The following UBXN7 variants were observed in gnomAD, a reference collection of about 807,000 sequenced individuals.
UBXN7 encodes UBX domain protein 7.
In UBXN7, 9 loss-of-function variants were observed where a neutral mutation model predicts 58.0. The observed-to-expected ratio is 0.16, with a 90% CI of 0.09 to 0.27. The LOEUF (loss-of-function observed/expected upper bound fraction) is 0.27, where lower values mean the gene tolerates loss of function less well. UBXN7 is among the 10% of genes least tolerant of loss of function. UBXN7 has a pLI of 1.00. For synonymous variants in UBXN7, 208 were observed against 205.0 expected (o/e 1.01, Z -0.12); for missense variants, 328 against 599.6 (o/e 0.55, Z 4.73).
At chr3:196,377,789 CCTGAGTAG>C (rs1403047298) in intron 5 of UBXN7, among the ~76,000 whole-genome samples, 3 of 152,142 alleles carry the variant, frequency 2.0e-5, no homozygotes, top group African/African-American at 4.8e-5. Flanking sequence ...ACCCCAGCCT[CCTGAGTAG>C]CTGCTGGGGA....
intron 5 of UBXN7, among the ~76,000 whole-genome samples, chr3:196,385,676 G>A (rs909986289): frequency 6.6e-6 from 1 of 151,708 alleles, no homozygotes; most frequent in South Asian, 2.1e-4. Context: ...GAAGTGAGGA[G>A]CCCCTCTGCC....
intron 3 of UBXN7, among the ~76,000 whole-genome samples, chr3:196,401,180 G>A (rs1235328968): frequency 5.5e-5 from 8 of 144,764 alleles, no homozygotes; most frequent in African/African-American, 1.8e-4. Flanking sequence ...GGGAGGCCGA[G>A]GCGGGCGGCT....
chr3:196,373,328 C>T (rs955708446), intron 5 of UBXN7, among the ~76,000 whole-genome samples: 2 of 152,138 alleles, frequency 1.3e-5, no homozygotes, highest in Admixed American at 6.5e-5. Flanking sequence ...CAACAGATAT[C>T]GATACATCAA....
chr3:196,385,999 T>G (rs1274487876), intron 5 of UBXN7, among the ~76,000 whole-genome samples: 2 of 151,464 alleles, frequency 1.3e-5, no homozygotes, highest in Non-Finnish European at 2.9e-5. Flanking sequence ...TAGAAAGAGG[T>G]GGACATAGGA....
At position 196,354,632 on chromosome 3, in the gene UBXN7, C is replaced by T. The variant is rs1728296563; in HGVS notation, c.*2053G>A. The T allele has an allele frequency of 6.6e-6, 1 of 152,140 alleles. No individual in the cohort carries two copies. Among genetic ancestry groups the T allele is most frequent in the Admixed American group, 6.6e-5 (1 of 15,260 alleles). The allele number at this position is 152,140 out of a possible 1,614,324, so 9.4% of individuals were successfully genotyped here. A position where few individuals can be genotyped will look rare whatever the true frequency, so the allele number is the denominator to read the frequency against. ...CCTCCAGTGCACCTTTGACAGTATA[C>T]AGCTCTATTTTTCAAACGGCAAGTA... On this transcript the variant is annotated 3_prime_UTR_variant, in exon 11 of 11. Transcript: ENST00000296328.
chr3:196,421,952 A>G (rs956766531), intron 1 of UBXN7, among the ~76,000 whole-genome samples: 1 of 152,080 alleles, frequency 6.6e-6, no homozygotes, highest in Non-Finnish European at 1.5e-5. Flanking sequence ...TAATCCCAAC[A>G]CTTTGGGAGG....
intron 1 of UBXN7, among the ~76,000 whole-genome samples, chr3:196,417,724 TAAAAAAAAA>T (rs749981900): frequency 1.6e-4 from 5 of 31,656 alleles, no homozygotes; most frequent in African/African-American, 3.7e-4. Context: ...GCAAAATGGT[TAAAAAAAAA>T]AAAAAAAAAA....
At chr3:196,384,302 T>C (rs1283800282) in intron 5 of UBXN7, among the ~76,000 whole-genome samples, 2 of 152,050 alleles carry the variant, frequency 1.3e-5, no homozygotes, top group African/African-American at 2.4e-5. Context: ...ATTGAGGCAA[T>C]AATTAACAGC....
In UBXN7 at chr3:196,355,356, A is replaced by G. The variant is rs1026245640; in HGVS notation, c.*1329T>C. On this transcript the variant is annotated 3_prime_UTR_variant, in exon 11 of 11. Coordinates refer to ENST00000296328, the MANE Select transcript of UBXN7 (RefSeq NM_015562.2). Reference sequence around the variant, plus strand: ...GAAGTTGATGTGTAAATGGTATTCTACAGATTCAAGATGGCCTCTTCTAAA... The same window carrying G: ...GAAGTTGATGTGTAAATGGTATTCTGCAGATTCAAGATGGCCTCTTCTAAA... 8 of 152,200 alleles carry G rather than the reference A, an allele frequency of 5.3e-5. No homozygotes were observed. Among genetic ancestry groups the G allele is most frequent in the African/African-American group, 1.7e-4 (7 of 41,456 alleles). 9.4% of individuals were successfully genotyped at this position (152,200 alleles called of 1,614,324 possible).
chr3:196,360,763 A>G (rs1158682118), intron 10 of UBXN7, among the ~76,000 whole-genome samples: 1 of 152,184 alleles, frequency 6.6e-6, no homozygotes, highest in African/African-American at 2.4e-5. Context: ...CCAGGCACGG[A>G]GCCAAATCTC....
chr3:196,359,288 A>G (rs1310367861), intron 10 of UBXN7, among the ~76,000 whole-genome samples: 1 of 152,148 alleles, frequency 6.6e-6, no homozygotes, highest in African/African-American at 2.4e-5. Flanking sequence ...CAAACTTAAT[A>G]AAGAAGTATG....
At chr3:196,427,357 G>A (rs974101296) in intron 1 of UBXN7, among the ~76,000 whole-genome samples, 6 of 152,136 alleles carry the variant, frequency 3.9e-5, no homozygotes, top group Non-Finnish European at 5.9e-5. Context: ...TCGCTCTGTC[G>A]CCCAGGCTGG....
intron 2 of UBXN7, among the ~76,000 whole-genome samples, chr3:196,403,678 C>T (rs753146198): frequency 1.3e-5 from 2 of 151,986 alleles, no homozygotes; most frequent in Non-Finnish European, 2.9e-5. Flanking sequence ...TATCACATTA[C>T]TACTATATCA....
chr3:196,367,944 C>T, intron 8 of UBXN7, 84 bp downstream of exon 8: 1 of 1,523,288 alleles, frequency 6.6e-7, no homozygotes, highest in Admixed American at 2.0e-5. Flanking sequence ...ATTATCTTTA[C>T]CATCTTAACA....
intron 3 of UBXN7, among the ~76,000 whole-genome samples, chr3:196,399,484 T>C (rs1729891143): frequency 6.6e-6 from 1 of 152,268 alleles, no homozygotes; most frequent in South Asian, 2.1e-4. Context: ...TTATACAGGC[T>C]GCAGTGCAGT....
Position 196,368,105 on chromosome 3 carries a change from G to C in UBXN7, c.757C>G (p.Gln253Glu). 6.2e-7 allele frequency: 1 copy of C among 1,613,900 alleles called. No individual in the cohort carries two copies. Among genetic ancestry groups the C allele is most frequent in the Non-Finnish European group, 8.5e-7 (1 of 1,179,920 alleles). Residue 253 changes from glutamine (Q) to glutamate (E), a missense_variant, in exon 8 of 11, where the codon CAA becomes GAA. Around this residue, in one of 4 missense-constraint regions of UBXN7, gnomAD observed 126 missense variants for 302.6 expected, o/e 0.42. Coordinates refer to ENST00000296328, the MANE Select transcript of UBXN7 (RefSeq NM_015562.2). ...TGTTCACCCAGAAATCCCGTCACTTGGTCCAAGAAAGAAGATACATCTAAC... is the reference window on the plus strand; with the variant it reads ...TGTTCACCCAGAAATCCCGTCACTTCGTCCAAGAAAGAAGATACATCTAAC... The part of the protein sequence containing the change: ...HQLDVSSFLD[Q>E]VTGFLGEHGQ...
intron 2 of UBXN7, among the ~76,000 whole-genome samples, chr3:196,405,083 T>G (rs561441810): frequency 1.3e-5 from 2 of 151,518 alleles, no homozygotes; most frequent in South Asian, 4.2e-4. Flanking sequence ...GAGGAGGAGG[T>G]TGCAGTGAGT....
At chr3:196,417,106 G>A (rs980878387) in intron 1 of UBXN7, among the ~76,000 whole-genome samples, 9 of 152,138 alleles carry the variant, frequency 5.9e-5, no homozygotes, top group Admixed American at 2.0e-4. Flanking sequence ...AAGGTCAGGA[G>A]ATCGAGACCA....
chr3:196,424,576 G>T (rs1730789217), intron 1 of UBXN7, among the ~76,000 whole-genome samples: 2 of 151,144 alleles, frequency 1.3e-5, no homozygotes. Flanking sequence ...GTAGAAACAG[G>T]CTCTTTGCTA....
Sources: gnomAD v4.1 joint callset for allele counts (sites outside exome capture counted in the v4.1 genomes callset) on GRCh38, gnomAD v4.1.1 for gene constraint, gnomAD v4.1.1 regional missense constraint, MANE v1.5 for transcripts, NCBI Gene and HGNC (gene_info 2026-07-23, HGNC 2026-07-21) for gene names.